ANKRD31: variants seen among roughly 807,000 people sequenced by gnomAD.
The protein encoded by ANKRD31 is ankyrin repeat domain-containing protein 31.
ANKRD31 carries 147 observed loss-of-function variants against 186.0 expected under a neutral mutation model. The ratio of observed to expected loss-of-function variants is 0.79; its 90% CI spans 0.69 to 0.91. The LOEUF (loss-of-function observed/expected upper bound fraction) is 0.91. Among genes scored for constraint, ANKRD31 ranks in the 40% least tolerant of loss-of-function variants. The probability of loss-of-function intolerance (pLI) is 0.00; values close to 1 mark genes in which losing one functional copy is unlikely to be tolerated. For missense variants in ANKRD31, 1,986 were observed against 2,148.8 expected, an observed-to-expected ratio of 0.92 and a Z score of 1.50; for synonymous variants, 673 against 736.4, an observed-to-expected ratio of 0.91 and a Z score of 1.39.
At chr5:75,215,547 T>C (rs1271310156) in intron 3 of ANKRD31, among the ~76,000 whole-genome samples, 1 of 152,142 alleles carries the variant, frequency 6.6e-6, no homozygotes, top group East Asian at 1.9e-4. Flanking sequence ...GAAAAGGTAT[T>C]TTATAAGACC....
In ANKRD31 at chr5:75,196,033, C is replaced by T. The variant is rs1755445948; in HGVS notation, c.615G>A (p.Met205Ile). Residue 205 changes from methionine (M) to isoleucine (I), a missense_variant, in exon 7 of 26, where the codon ATG becomes ATA. Coordinates refer to ENST00000506364, the MANE Select transcript of ANKRD31 (RefSeq NM_001372053.1). The stretch of plus-strand genomic sequence containing the variant: ...CTTCATCCTTAGTTTCTTCAGAAGT[C>T]ATGGTCATTGTGACTTCCTTTCTAG... ...FEPRKEVTMT[M>I]TSEETKDEES... The T allele has an allele frequency of 6.5e-7, 1 of 1,535,270 alleles. No individual in the cohort carries two copies. Among genetic ancestry groups the T allele is most frequent in the Admixed American group, 2.0e-5 (1 of 50,676 alleles).
At chr5:75,164,738 C>T (rs1238772323) in intron 11 of ANKRD31, among the ~76,000 whole-genome samples, 1 of 152,184 alleles carries the variant, frequency 6.6e-6, no homozygotes, top group Non-Finnish European at 1.5e-5. Flanking sequence ...CAGAGATAAA[C>T]ACCACAGCTC....
intron 5 of ANKRD31, among the ~76,000 whole-genome samples, chr5:75,205,621 G>A (rs772378828): frequency 3.9e-5 from 6 of 152,166 alleles, no homozygotes; most frequent in East Asian, 1.9e-4. Context: ...TAAAGTATAC[G>A]TAAGAGCTGG....
intron 10 of ANKRD31, among the ~76,000 whole-genome samples, chr5:75,179,856 C>G: frequency 6.6e-6 from 1 of 152,110 alleles, no homozygotes; most frequent in East Asian, 1.9e-4. Flanking sequence ...CACTCCTATT[C>G]AACATACTTT....
intron 22 of ANKRD31, among the ~76,000 whole-genome samples, chr5:75,098,059 G>A (rs1158275486): frequency 6.6e-6 from 1 of 151,306 alleles, no homozygotes; most frequent in African/African-American, 2.4e-5. Flanking sequence ...CAGTCTCACT[G>A]TGTCGCCCAG....
At chr5:75,085,323 T>C (rs963570731) in intron 23 of ANKRD31, among the ~76,000 whole-genome samples, 2 of 152,136 alleles carry the variant, frequency 1.3e-5, no homozygotes, top group Non-Finnish European at 2.9e-5. Context: ...ACAGAGTGCC[T>C]GACGATACTG....
intron 2 of ANKRD31, among the ~76,000 whole-genome samples, chr5:75,230,067 CTGTG>C (rs367620881): frequency 1.3e-5 from 2 of 150,852 alleles, no homozygotes; most frequent in South Asian, 4.2e-4. Context: ...ATCTGTGTGT[CTGTG>C]TGTGTGTGTG....
intron 17 of ANKRD31, among the ~76,000 whole-genome samples, chr5:75,133,998 G>T (rs878902145): frequency 9.2e-5 from 14 of 151,838 alleles, no homozygotes; most frequent in African/African-American, 2.7e-4. Flanking sequence ...CCAGAATCTC[G>T]GGGACACATT....
intron 22 of ANKRD31, among the ~76,000 whole-genome samples, chr5:75,099,508 A>G (rs1352738706): frequency 6.6e-6 from 1 of 152,208 alleles, no homozygotes; most frequent in Non-Finnish European, 1.5e-5. Flanking sequence ...AAGGAATGAT[A>G]CCAGCTCCTC....
intron 17 of ANKRD31, among the ~76,000 whole-genome samples, chr5:75,118,959 T>C (rs116231743): frequency 6.6e-6 from 1 of 152,290 alleles, no homozygotes; most frequent in Admixed American, 6.5e-5. Flanking sequence ...TGATTAGACA[T>C]AGTTGAATAA....
chr5:75,127,494 A>G (rs1749346884), intron 17 of ANKRD31, among the ~76,000 whole-genome samples: 1 of 152,176 alleles, frequency 6.6e-6, no homozygotes, highest in Non-Finnish European at 1.5e-5. Context: ...AGAAATCCTA[A>G]TCTAACTTAT....
At chr5:75,096,165 C>T (rs1355247087) in intron 22 of ANKRD31, among the ~76,000 whole-genome samples, 1 of 152,202 alleles carries the variant, frequency 6.6e-6, no homozygotes, top group African/African-American at 2.4e-5. Flanking sequence ...TTCTCTGCAA[C>T]CTCGCCAGCA....
At chr5:75,185,707 G>A (rs1754664475) in intron 10 of ANKRD31, among the ~76,000 whole-genome samples, 1 of 151,758 alleles carries the variant, frequency 6.6e-6, no homozygotes, top group African/African-American at 2.4e-5. Flanking sequence ...ACATGTTTAA[G>A]GTGTTAGATA....
rs1479363776 is a variant in ANKRD31, at chr5:75,112,547, T to C, written c.4209A>G (p.Leu1403=). The stretch of plus-strand genomic sequence containing the variant: ...CAGGGTTTCTTATTTCAAACTCTAA[T>C]AAATATTCTTGTTTTTCTTCTATAT... ...LQDIEEKQEY[L]LEFEIRNPED... Residue 1403 remains leucine, a synonymous_variant, in exon 20 of 26, where the codon TTA becomes TTG. Coordinates refer to ENST00000506364, the MANE Select transcript of ANKRD31 (RefSeq NM_001372053.1). 1.3e-6 allele frequency: 2 copies of C among 1,523,932 alleles called. No individual in the cohort carries two copies. The highest frequency in any genetic ancestry group is 1.2e-5 in the South Asian group (1 of 82,858). The allele number at this position is 1,523,932 out of a possible 1,614,324, so 94.4% of individuals were successfully genotyped here. A position where few individuals can be genotyped will look rare whatever the true frequency, so the allele number is the denominator to read the frequency against.
At chr5:75,227,883 C>A (rs567388813) in intron 2 of ANKRD31, among the ~76,000 whole-genome samples, 65 of 152,238 alleles carry the variant, frequency 4.3e-4, no homozygotes, top group Middle Eastern at 3.4e-3. Flanking sequence ...GGAGTGCAAA[C>A]CCTACTGTTA....
chr5:75,169,243 T>C, intron 10 of ANKRD31, 122 bp from the exon 11 acceptor site: 1 of 1,174,372 alleles, frequency 8.5e-7, no homozygotes, highest in Non-Finnish European at 1.2e-6. Context: ...ATTATATGAG[T>C]CAAGATAGTA....
chr5:75,191,176 T>A lies in ANKRD31; in HGVS notation c.1408+1491A>T, dbSNP rs111830746. Among the ~76,000 whole-genome samples the A allele has an allele frequency of 8.5e-3, 1,290 of 152,276 alleles. 17 individuals are homozygous for A. The highest frequency in any genetic ancestry group is 0.028 in the African/African-American group (1,180 of 41,574). Reference sequence around the variant, plus strand: ...ATTTAAATCTTTGATCAATCTGAAATTAAAGTTAGTGTAAGGAATGTTATG... The same window carrying A: ...ATTTAAATCTTTGATCAATCTGAAAATAAAGTTAGTGTAAGGAATGTTATG... On this transcript the variant is annotated intron_variant, in intron 9 of 25. Transcript: ENST00000506364.
In ANKRD31 at chr5:75,236,727, T is replaced by C. The variant is rs1758298085; in HGVS notation, c.-41A>G. The C allele has an allele frequency of 1.4e-6, 2 of 1,470,844 alleles. No individual in the cohort carries two copies. Among genetic ancestry groups the C allele is most frequent in the South Asian group, 2.5e-5 (2 of 80,566 alleles). The allele number at this position is 1,470,844 out of a possible 1,614,324, so 91.1% of individuals were successfully genotyped here. ...AAAGTCTTTTTTACCCTCCTCTAAC[T>C]CCCTCTTGCCCGCAAACAAAAAAAC... On this transcript the variant is annotated 5_prime_UTR_variant, in exon 1 of 26. Transcript: ENST00000506364.
chr5:75,214,020 TAAC>T (rs1307559161), intron 3 of ANKRD31, among the ~76,000 whole-genome samples: 2 of 152,340 alleles, frequency 1.3e-5, no homozygotes, highest in South Asian at 4.1e-4. Context: ...GATGAATTGC[TAAC>T]AACATTTGCT....
Sources: gnomAD v4.1 joint callset for allele counts (sites outside exome capture counted in the v4.1 genomes callset) on GRCh38, gnomAD v4.1.1 for gene constraint, MANE v1.5 for transcripts, NCBI Gene and HGNC (gene_info 2026-07-23, HGNC 2026-07-21) for gene names.